EPB41L4A: variants seen among roughly 807,000 people sequenced by gnomAD.
EPB41L4A encodes erythrocyte membrane protein band 4.1 like 4A.
EPB41L4A carries 100 observed loss-of-function variants against 108.6 expected under a neutral mutation model. That is an observed-to-expected ratio of 0.92 (90% CI 0.78 to 1.09). The LOEUF is 1.09. EPB41L4A is among the 50% of genes least tolerant of loss of function. The probability of loss-of-function intolerance (pLI) is 0.00; values close to 1 mark genes in which losing one functional copy is unlikely to be tolerated. For missense variants in EPB41L4A, 1,030 were observed against 842.7 expected, an observed-to-expected ratio of 1.22 and a Z score of -2.75; for synonymous variants, 319 against 289.0, an observed-to-expected ratio of 1.10 and a Z score of -1.05.
In EPB41L4A at chr5:112,293,227, A is replaced by C. The variant is rs1024146841; in HGVS notation, c.205-12904T>G. 2.0e-5 allele frequency among the ~76,000 whole-genome samples: 3 copies of C among 150,906 alleles called. No individual in the cohort carries two copies. The South Asian group carries it at 6.3e-4, about 31-fold the overall frequency. Reference sequence around the variant, plus strand: ...TTCGATGGAAGCATTTTTTTTTTTAACTTTTAAATTCAGGGATACAGGTAC... The same window carrying C: ...TTCGATGGAAGCATTTTTTTTTTTACCTTTTAAATTCAGGGATACAGGTAC... On this transcript the variant is annotated intron_variant, in intron 2 of 22. Coordinates refer to ENST00000261486, the MANE Select transcript of EPB41L4A (RefSeq NM_022140.5).
chr5:112,165,128 A>AC lies in EPB41L4A; in HGVS notation c.1933-11_1933-10insG, dbSNP rs1554071158. 6.3e-7 allele frequency: 1 copy of AC among 1,585,132 alleles called. No homozygotes were observed. ...TAGACCCATTTCTTCTCTAAAATAT[A>AC]TTTGAAAAATGTAGAAAGATTCAGA... On this transcript the variant is annotated splice_polypyrimidine_tract_variant and intron_variant, in intron 22 of 22. Coordinates refer to ENST00000261486, the MANE Select transcript of EPB41L4A (RefSeq NM_022140.5).
chr5:112,384,925 G>A (rs1246089796), intron 1 of EPB41L4A, among the ~76,000 whole-genome samples: 1 of 152,222 alleles, frequency 6.6e-6, no homozygotes, highest in African/African-American at 2.4e-5. Flanking sequence ...GAGCTGAGCA[G>A]CCCCATCCAT....
intron 4 of EPB41L4A, 148 bp downstream of exon 4, chr5:112,275,178 T>C (rs72781647): frequency 0.068 from 66,423 of 974,420 alleles, 2,541 homozygotes; most frequent in African/African-American, 0.077. Flanking sequence ...CATGCAATGC[T>C]AGTTTAAATT....
intron 15 of EPB41L4A, 119 bp from the exon 16 acceptor site, chr5:112,195,827 C>A: frequency 1.2e-6 from 1 of 843,202 alleles, no homozygotes. Flanking sequence ...ATTCATTTGC[C>A]AAACATTTAC....
chr5:112,362,524 G>A (rs571010604), intron 1 of EPB41L4A, among the ~76,000 whole-genome samples: 50 of 152,042 alleles, frequency 3.3e-4, no homozygotes, highest in African/African-American at 1.0e-3. Context: ...TAGGTGATCC[G>A]CCCACCTCAG....
chr5:112,266,239 T>A lies in EPB41L4A; in HGVS notation c.427A>T (p.Ile143Phe), dbSNP rs1266764521. 3 of 1,605,586 alleles carry A rather than the reference T, an allele frequency of 1.9e-6. No individual in the cohort carries two copies. The highest frequency in any genetic ancestry group is 1.7e-5 in the Admixed American group (1 of 58,442). ...ATGCTTAAGTGGCACCTACACTGGA[T>A]GGCATACGCTCCCAGCTGAGCAGCA... is the stretch of plus-strand genomic sequence containing the variant. ...NTAAQLGAYA[I>F]QSELGDYDPY... is the part of the protein sequence containing the mutation. Residue 143 changes from isoleucine (I) to phenylalanine (F), a missense_variant, in exon 5 of 23, where the codon ATC (isoleucine) becomes TTC (phenylalanine). Transcript: ENST00000261486.
chr5:112,319,378 A>G (rs1328411158), intron 1 of EPB41L4A, among the ~76,000 whole-genome samples: 2 of 152,230 alleles, frequency 1.3e-5, no homozygotes, highest in African/African-American at 4.8e-5. Context: ...TGTCCTTACA[A>G]TAAAATGCCA....
chr5:112,161,405 T>C (rs1580340916), downstream of EPB41L4A: 1 of 440,790 alleles, frequency 2.3e-6, no homozygotes, highest in Non-Finnish European at 4.5e-6. Context: ...TGAAATGTAT[T>C]GTCCGTTTTT....
chr5:112,369,003 A>G (rs907406681), intron 1 of EPB41L4A, among the ~76,000 whole-genome samples: 1 of 152,046 alleles, frequency 6.6e-6, no homozygotes, highest in African/African-American at 2.4e-5. Flanking sequence ...CCACGGTTCT[A>G]ACTCTTACCT....
chr5:112,150,660 G>T (rs1484906883), intron 12 of EPB41L4A, among the ~76,000 whole-genome samples: 1 of 152,134 alleles, frequency 6.6e-6, no homozygotes, highest in South Asian at 2.1e-4. Flanking sequence ...ATAAAATTCA[G>T]ATCATCCAAG....
chr5:112,155,385 G>T (rs115216211), intron 12 of EPB41L4A, among the ~76,000 whole-genome samples: 90 of 151,824 alleles, frequency 5.9e-4, no homozygotes, highest in African/African-American at 1.9e-3. Context: ...AAAAAAAAGT[G>T]TATCAAATGC....
chr5:112,334,810 C>A (rs1896620), intron 1 of EPB41L4A, among the ~76,000 whole-genome samples: 26,674 of 151,942 alleles, frequency 0.18, 2,847 homozygotes, highest in African/African-American at 0.29. Flanking sequence ...TTAATTTTTG[C>A]AAAATAAACC....
At chr5:112,382,615 T>A (rs534275641) in intron 1 of EPB41L4A, among the ~76,000 whole-genome samples, 1 of 152,314 alleles carries the variant, frequency 6.6e-6, no homozygotes, top group East Asian at 1.9e-4. Flanking sequence ...TTATGACACC[T>A]TCTGATTGTT....
At chr5:112,250,168 C>G (rs1000245213) in intron 9 of EPB41L4A, among the ~76,000 whole-genome samples, 23 of 152,046 alleles carry the variant, frequency 1.5e-4, no homozygotes, top group Non-Finnish European at 2.6e-4. Flanking sequence ...ATAAAAACAG[C>G]AAAATATTCT....
intron 4 of EPB41L4A, among the ~76,000 whole-genome samples, chr5:112,270,905 A>G (rs4299773): frequency 0.96 from 146,309 of 152,326 alleles, 70,542 homozygotes; most frequent in East Asian, 1. Flanking sequence ...ACTCTAAAAA[A>G]TATTATGAAT....
chr5:112,354,866 ACTACAT>A (rs1485359078), intron 1 of EPB41L4A, among the ~76,000 whole-genome samples: 1 of 152,202 alleles, frequency 6.6e-6, no homozygotes, highest in Non-Finnish European at 1.5e-5. Context: ...TTGCATTTTA[ACTACAT>A]CTTTTATTAG....
chr5:112,332,669 G>C (rs913974324), intron 1 of EPB41L4A, among the ~76,000 whole-genome samples: 5 of 151,966 alleles, frequency 3.3e-5, no homozygotes, highest in Admixed American at 6.6e-5. Context: ...CTGACACCAG[G>C]TTATATTTTA....
chr5:112,209,939 T>A lies in EPB41L4A; in HGVS notation c.1131A>T (p.Gly377=). The A allele has an allele frequency of 6.2e-7, 1 of 1,608,608 alleles. No homozygotes were observed. Among genetic ancestry groups the A allele is most frequent in the Non-Finnish European group, 8.5e-7 (1 of 1,176,114 alleles). Residue 377 remains glycine, a synonymous_variant, in exon 13 of 23, where the codon GGA becomes GGT. Coordinates refer to ENST00000261486, the MANE Select transcript of EPB41L4A (RefSeq NM_022140.5). ...ISRITANMEN[G]ENEGTIKIIA... ...TAATTTTAATTGTTCCTTCATTTTC[T>A]CCATTTTCCATGTTTGCAGTTATCC...
At chr5:112,351,130 A>G (rs918985266) in intron 1 of EPB41L4A, among the ~76,000 whole-genome samples, 13 of 152,238 alleles carry the variant, frequency 8.5e-5, no homozygotes, top group Non-Finnish European at 1.9e-4. Flanking sequence ...AGATATAATA[A>G]AGATCAGAGC....
Sources: gnomAD v4.1 joint callset for allele counts (sites outside exome capture counted in the v4.1 genomes callset) on GRCh38, gnomAD v4.1.1 for gene constraint, MANE v1.5 for transcripts, NCBI Gene and HGNC (gene_info 2026-07-23, HGNC 2026-07-21) for gene names.